Variants in GPR176 observed in about 807,000 individuals in gnomAD.
GPR176 encodes the protein G protein-coupled receptor 176.
In GPR176, 26 loss-of-function variants were observed where a neutral mutation model predicts 35.4. The ratio of observed to expected loss-of-function variants is 0.74; its 90% CI spans 0.54 to 1.02. GPR176 has a LOEUF of 1.02. Ranked by LOEUF, GPR176 falls within the 50% of genes least tolerant of loss-of-function variation. GPR176 has a pLI of 0.00. For missense variants in GPR176, 597 were observed against 665.3 expected (o/e 0.90, Z 1.13); for synonymous variants, 278 against 271.3 (o/e 1.02, Z -0.24).
chr15:39,893,559 G>A (rs2032955075), intron 1 of GPR176, among the ~76,000 whole-genome samples: 1 of 152,148 alleles, frequency 6.6e-6, no homozygotes, highest in Non-Finnish European at 1.5e-5. Flanking sequence ...CAACTTTCCC[G>A]CCTTTCTATT....
intron 1 of GPR176, among the ~76,000 whole-genome samples, chr15:39,820,738 C>G (rs1048736509): frequency 4.6e-5 from 7 of 152,126 alleles, no homozygotes; most frequent in African/African-American, 1.7e-4. Flanking sequence ...GAAACAACAC[C>G]TTTTGGAAAG....
At chr15:39,845,645 GAA>G (rs1411400671) in intron 1 of GPR176, among the ~76,000 whole-genome samples, 1 of 152,000 alleles carries the variant, frequency 6.6e-6, no homozygotes, top group Non-Finnish European at 1.5e-5. Context: ...AGCCAAGGGC[GAA>G]AACCCTGCTG....
chr15:39,807,236 T>C lies in GPR176; in HGVS notation c.195A>G (p.Ser65=). 6.2e-7 allele frequency: 1 copy of C among 1,600,212 alleles called. No homozygotes were observed. Among genetic ancestry groups the C allele is most frequent in the Non-Finnish European group, 8.5e-7 (1 of 1,173,250 alleles). ...ATTTGAACACGGTTGTGCGGCAAGTTGACCATAACACCATGAAGTTTCCTG... is the reference window on the plus strand; with the variant it reads ...ATTTGAACACGGTTGTGCGGCAAGTCGACCATAACACCATGAAGTTTCCTG... ...SLLGNFMVLW[S]TCRTTVFKSV... Residue 65 remains serine, a synonymous_variant, in exon 2 of 3, where the codon TCA becomes TCG. Transcript: ENST00000561100.
chr15:39,849,081 C>T (rs1226261780), intron 1 of GPR176, among the ~76,000 whole-genome samples: 1 of 152,024 alleles, frequency 6.6e-6, no homozygotes, highest in Non-Finnish European at 1.5e-5. Context: ...CCTAGCAAGA[C>T]TGACAAAGAC....
At chr15:39,841,406 C>A (rs952947731) in intron 1 of GPR176, among the ~76,000 whole-genome samples, 5 of 137,200 alleles carry the variant, frequency 3.6e-5, no homozygotes, top group Non-Finnish European at 7.7e-5. Context: ...TAGAGCAAAT[C>A]AAGTAATAAT....
chr15:39,801,639 C>G lies in GPR176; in HGVS notation c.1041G>C (p.Val347=), dbSNP rs762163969. ...QLHHRYSRRN[V]VSTGSGMAEA... is the part of the protein sequence containing the mutation. Reference sequence around the variant, plus strand: ...CAGCCATGCCACTCCCTGTACTGACCACATTACGGCGACTGTACCGGTGGT... The same window carrying G: ...CAGCCATGCCACTCCCTGTACTGACGACATTACGGCGACTGTACCGGTGGT... Residue 347 remains valine (V), a synonymous_variant, in exon 3 of 3, where the codon GTG becomes GTC. Transcript: ENST00000561100. 11 of 1,613,946 alleles carry G rather than the reference C, an allele frequency of 6.8e-6. No individual in the cohort carries two copies. The South Asian group carries it at 1.1e-4, about 16-fold the overall frequency.
chr15:39,825,910 A>G (rs966710555), intron 1 of GPR176, among the ~76,000 whole-genome samples: 4 of 152,142 alleles, frequency 2.6e-5, no homozygotes, highest in African/African-American at 9.7e-5. Flanking sequence ...TTACTATAAC[A>G]TTTCTGAAAA....
chr15:39,865,820 T>G (rs936923046), intron 1 of GPR176, among the ~76,000 whole-genome samples: 25 of 152,286 alleles, frequency 1.6e-4, no homozygotes, highest in African/African-American at 6.0e-4. Flanking sequence ...ATATGCATTT[T>G]CCCTTTGACC....
intron 1 of GPR176, among the ~76,000 whole-genome samples, chr15:39,895,103 G>C (rs1487980846): frequency 6.6e-6 from 1 of 152,198 alleles, no homozygotes; most frequent in Non-Finnish European, 1.5e-5. Flanking sequence ...GCCTGCAATC[G>C]CAGGTACTCG....
At chr15:39,847,643 T>C (rs1288019195) in intron 1 of GPR176, among the ~76,000 whole-genome samples, 2 of 147,436 alleles carry the variant, frequency 1.4e-5, no homozygotes, top group Non-Finnish European at 3.0e-5. Flanking sequence ...CTTGGGAGGC[T>C]GAGGCATGAG....
chr15:39,893,775 C>A (rs1359814962), intron 1 of GPR176, among the ~76,000 whole-genome samples: 1 of 109,632 alleles, frequency 9.1e-6, no homozygotes, highest in Non-Finnish European at 2.0e-5. Flanking sequence ...GCTGGCCAGG[C>A]GGGGGCTGAC....
At chr15:39,813,656 G>T (rs953484435) in intron 1 of GPR176, 2 of 151,692 alleles carry the variant, frequency 1.3e-5, no homozygotes, top group African/African-American at 2.4e-5. Context: ...GTGTCTAGGG[G>T]TGTGTGTGTG....
At chr15:39,840,344 A>G (rs983385960) in intron 1 of GPR176, among the ~76,000 whole-genome samples, 4 of 152,222 alleles carry the variant, frequency 2.6e-5, no homozygotes, top group African/African-American at 9.6e-5. Context: ...GACATGGATG[A>G]AGCTGGAAAC....
intron 1 of GPR176, among the ~76,000 whole-genome samples, chr15:39,808,488 G>A (rs1899336252): frequency 6.6e-6 from 1 of 152,066 alleles, no homozygotes; most frequent in Non-Finnish European, 1.5e-5. Flanking sequence ...TTTAAATGCT[G>A]CCTTGTCAAA....
chr15:39,847,636 G>T (rs1372429847), intron 1 of GPR176, among the ~76,000 whole-genome samples: 1 of 151,532 alleles, frequency 6.6e-6, no homozygotes, highest in Non-Finnish European at 1.5e-5. Context: ...CCAGCTACTT[G>T]GGAGGCTGAG....
rs138801825 is a variant in GPR176, at chr15:39,831,451, G to C, written c.173-24193C>G. ...CCCATTTCCCCATGGATGCCTCACA[G>C]ACACCTCAAAGTCAACATGGTTAAA... On this transcript the variant is annotated intron_variant, in intron 1 of 2. Coordinates refer to ENST00000561100, the MANE Select transcript of GPR176 (RefSeq NM_007223.3). 2.7e-3 allele frequency among the ~76,000 whole-genome samples: 416 copies of C among 152,140 alleles called. 3 individuals are homozygous for C. The highest frequency in any genetic ancestry group is 9.6e-3 in the African/African-American group (399 of 41,506).
intron 1 of GPR176, among the ~76,000 whole-genome samples, chr15:39,851,470 T>C (rs922787047): frequency 2.0e-5 from 3 of 152,184 alleles, no homozygotes; most frequent in African/African-American, 7.2e-5. Flanking sequence ...ACTGATGTTC[T>C]CATGTAGGTG....
chr15:39,829,191 A>C, intron 1 of GPR176: 1 of 1,531,046 alleles, frequency 6.5e-7, no homozygotes, highest in Non-Finnish European at 8.7e-7. Context: ...TGAAGAGACA[A>C]CACCTCACAA....
chr15:39,912,765 G>C (rs780853987), intron 1 of GPR176, among the ~76,000 whole-genome samples: 2 of 152,208 alleles, frequency 1.3e-5, no homozygotes, highest in African/African-American at 4.8e-5. Context: ...GAGACTTTGA[G>C]ACTTGGACAT....
Sources: gnomAD v4.1 joint callset for allele counts (sites outside exome capture counted in the v4.1 genomes callset) on GRCh38, gnomAD v4.1.1 for gene constraint, MANE v1.5 for transcripts, NCBI Gene and HGNC (gene_info 2026-07-23, HGNC 2026-07-21) for gene names.